SLC25A21: variants seen among roughly 807,000 people sequenced by gnomAD.
SLC25A21 encodes mitochondrial 2-oxodicarboxylate carrier.
In SLC25A21, 47 loss-of-function variants were observed where a neutral mutation model predicts 43.8. That is an observed-to-expected ratio of 1.07 (90% CI 0.85 to 1.37). SLC25A21 has a LOEUF of 1.37. Among genes scored for constraint, SLC25A21 ranks in the 40% most tolerant of loss-of-function variants. The probability of loss-of-function intolerance (pLI) is 0.00; values close to 1 mark genes in which losing one functional copy is unlikely to be tolerated. For synonymous variants in SLC25A21, 131 were observed against 121.3 expected, an observed-to-expected ratio of 1.08 and a Z score of -0.52; for missense variants, 352 against 350.2, an observed-to-expected ratio of 1.00 and a Z score of -0.04.
chr14:37,167,068 T>A (rs1472238808), intron 1 of SLC25A21, among the ~76,000 whole-genome samples: 1 of 152,074 alleles, frequency 6.6e-6, no homozygotes, highest in Non-Finnish European at 1.5e-5. Context: ...AAAGTACTGG[T>A]AACAGTCAAG....
intron 3 of SLC25A21, among the ~76,000 whole-genome samples, chr14:36,778,899 C>T (rs1374378289): frequency 1.3e-5 from 2 of 152,040 alleles, no homozygotes; most frequent in Non-Finnish European, 2.9e-5. Flanking sequence ...ACTATAGTTT[C>T]CATGCTGTAC....
At chr14:36,899,924 A>G (rs1245613682) in intron 1 of SLC25A21, among the ~76,000 whole-genome samples, 1 of 152,180 alleles carries the variant, frequency 6.6e-6, no homozygotes, top group East Asian at 1.9e-4. Flanking sequence ...TGAGAGAAAC[A>G]ATGCTGTCTT....
At chr14:36,989,424 C>A (rs538429545) in intron 1 of SLC25A21, among the ~76,000 whole-genome samples, 70 of 152,068 alleles carry the variant, frequency 4.6e-4, no homozygotes, top group African/African-American at 1.6e-3. Flanking sequence ...AGGGGGGTGG[C>A]AGATGTTAAA....
At chr14:37,000,155 T>A (rs748361664) in intron 1 of SLC25A21, among the ~76,000 whole-genome samples, 4 of 152,156 alleles carry the variant, frequency 2.6e-5, no homozygotes, top group Non-Finnish European at 4.4e-5. Flanking sequence ...CAAGTTTGCC[T>A]CCTCTTTCTC....
At chr14:36,954,904 C>T (rs1959295743) in intron 1 of SLC25A21, among the ~76,000 whole-genome samples, 1 of 152,132 alleles carries the variant, frequency 6.6e-6, no homozygotes, top group African/African-American at 2.4e-5. Context: ...ATTGCCACTC[C>T]TAGGATGTTT....
At chr14:36,745,064 A>C (rs1314128722) in intron 3 of SLC25A21, among the ~76,000 whole-genome samples, 2 of 145,840 alleles carry the variant, frequency 1.4e-5, no homozygotes, top group South Asian at 2.2e-4. Flanking sequence ...TCATTGTTCA[A>C]CTCCCACTTA....
At chr14:36,744,110 T>A (rs895337728) in intron 3 of SLC25A21, among the ~76,000 whole-genome samples, 2 of 152,186 alleles carry the variant, frequency 1.3e-5, no homozygotes, top group African/African-American at 4.8e-5. Flanking sequence ...ATGACCATAC[T>A]GCCCAAAGTA....
intron 1 of SLC25A21, among the ~76,000 whole-genome samples, chr14:36,988,050 A>G (rs1330049201): frequency 6.6e-6 from 1 of 152,192 alleles, no homozygotes; most frequent in African/African-American, 2.4e-5. Context: ...CCAGAGGAGC[A>G]CCTGAAAAGC....
intron 1 of SLC25A21, among the ~76,000 whole-genome samples, chr14:37,103,483 T>C (rs978997509): frequency 1.3e-5 from 2 of 152,228 alleles, no homozygotes; most frequent in African/African-American, 4.8e-5. Flanking sequence ...TAAATGTTAC[T>C]TCATTTAACT....
intron 1 of SLC25A21, among the ~76,000 whole-genome samples, chr14:36,988,286 T>A (rs553616107): frequency 6.6e-6 from 1 of 152,356 alleles, no homozygotes; most frequent in East Asian, 1.9e-4. Context: ...TCCTTGCCCC[T>A]GGTTAGTCCT....
chr14:37,020,882 A>G (rs1960971045), intron 1 of SLC25A21, among the ~76,000 whole-genome samples: 1 of 151,974 alleles, frequency 6.6e-6, no homozygotes, highest in South Asian at 2.1e-4. Context: ...AGGTTAAATG[A>G]AAAACGGAAA....
rs544179743 is a variant in SLC25A21 at position 37,134,569 on chromosome 14, C to T, written c.70+37712G>A. Reference sequence around the variant, plus strand: ...CTGAGGTGGGAGAACAGCTTGAGCCCAGGAGGTCAAGGCTGCAGTGAGCCA... The same window carrying T: ...CTGAGGTGGGAGAACAGCTTGAGCCTAGGAGGTCAAGGCTGCAGTGAGCCA... On this transcript the variant is annotated intron_variant, in intron 1 of 9. Coordinates refer to ENST00000331299, the MANE Select transcript of SLC25A21 (RefSeq NM_030631.4). 5.1e-3 allele frequency among the ~76,000 whole-genome samples: 776 copies of T among 151,314 alleles called. 3 individuals carry two copies. Among genetic ancestry groups the T allele is most frequent in the Non-Finnish European group, 7.9e-3 (534 of 67,866 alleles).
intron 1 of SLC25A21, among the ~76,000 whole-genome samples, chr14:37,020,285 T>C (rs1194438612): frequency 1.3e-5 from 2 of 151,688 alleles, no homozygotes; most frequent in Non-Finnish European, 2.9e-5. Flanking sequence ...TGCTGATTTA[T>C]AAAAAAACAA....
chr14:37,159,315 G>C (rs776897635), intron 1 of SLC25A21, among the ~76,000 whole-genome samples: 1 of 151,926 alleles, frequency 6.6e-6, no homozygotes, highest in Non-Finnish European at 1.5e-5. Flanking sequence ...CACATTACCT[G>C]ATTTCAAAAT....
intron 1 of SLC25A21, among the ~76,000 whole-genome samples, chr14:37,008,759 A>AT (rs11445075): frequency 0.07 from 10,709 of 152,014 alleles, 415 homozygotes; most frequent in Admixed American, 0.081. Flanking sequence ...TTTTTAATAG[A>AT]TTTTTTTTCT....
At chr14:37,124,016 T>C (rs1002885539) in intron 1 of SLC25A21, among the ~76,000 whole-genome samples, 2 of 145,046 alleles carry the variant, frequency 1.4e-5, no homozygotes, top group Admixed American at 6.9e-5. Context: ...TATCATTATC[T>C]TTTTTTTTTT....
chr14:36,905,065 C>T (rs1203372283), intron 1 of SLC25A21, among the ~76,000 whole-genome samples: 1 of 151,898 alleles, frequency 6.6e-6, no homozygotes, highest in Non-Finnish European at 1.5e-5. Context: ...TTCTAAGGTA[C>T]ACTCTATTTT....
chr14:36,714,177 A>C (rs1302921865), intron 6 of SLC25A21, among the ~76,000 whole-genome samples: 3 of 152,250 alleles, frequency 2.0e-5, no homozygotes, highest in African/African-American at 7.2e-5. Flanking sequence ...AAATAGTTAT[A>C]ACAATAAAAT....
chr14:36,969,220 C>T (rs904310751), intron 1 of SLC25A21, among the ~76,000 whole-genome samples: 4 of 152,076 alleles, frequency 2.6e-5, no homozygotes, highest in Non-Finnish European at 5.9e-5. Context: ...TTGATGCCCA[C>T]CAAAGTTGAT....
Sources: allele counts gnomAD v4.1 joint callset (sites outside exome capture counted in the v4.1 genomes callset), GRCh38; gene constraint gnomAD v4.1.1; transcripts MANE v1.5; gene names NCBI Gene and HGNC (gene_info 2026-07-23, HGNC 2026-07-21).